Variants in CEP112 observed in about 807,000 individuals in gnomAD.
CEP112 encodes the protein centrosomal protein 112.
CEP112 carries 127 observed loss-of-function variants against 153.0 expected under a neutral mutation model. The ratio of observed to expected loss-of-function variants is 0.83; its 90% CI spans 0.72 to 0.96. The LOEUF (loss-of-function observed/expected upper bound fraction) is 0.96. CEP112 is among the 40% of genes least tolerant of loss of function. CEP112 has a pLI of 0.00. For synonymous variants in CEP112, 358 were observed against 374.4 expected (o/e 0.96, Z 0.51); for missense variants, 1,089 against 1,101.2 (o/e 0.99, Z 0.16).
chr17:66,102,537 C>T (rs1358033267), intron 6 of CEP112, among the ~76,000 whole-genome samples: 2 of 152,072 alleles, frequency 1.3e-5, no homozygotes, highest in Non-Finnish European at 2.9e-5. Context: ...GTGGCTCACG[C>T]CTGTAATCCC....
At chr17:66,093,128 AT>A (rs1419434261) in intron 8 of CEP112, among the ~76,000 whole-genome samples, 1 of 152,154 alleles carries the variant, frequency 6.6e-6, no homozygotes, top group Non-Finnish European at 1.5e-5. Context: ...GAGGTCAGGA[AT>A]TCAAGACAAG....
intron 20 of CEP112, among the ~76,000 whole-genome samples, chr17:65,852,303 CCCTTCCCTTCCCTTT>C (rs769643662): frequency 8.3e-5 from 7 of 84,820 alleles, no homozygotes; most frequent in Non-Finnish European, 1.2e-4. Context: ...CCCTTCCCTT[CCCTTCCCTTCCCTTT>C]CCTTCCCTTT....
chr17:65,782,923 T>C (rs2054080055), intron 21 of CEP112, among the ~76,000 whole-genome samples: 1 of 151,570 alleles, frequency 6.6e-6, no homozygotes, highest in Non-Finnish European at 1.5e-5. Context: ...TCACGCAATA[T>C]ACCCAGGTAA....
Position 65,926,713 on chromosome 17 carries a change from AAAT to A in CEP112, c.1980+866_1980+868del, listed in dbSNP as rs369745977. Among the ~76,000 whole-genome samples, 83 of 150,330 alleles carry A rather than the reference AAAT, an allele frequency of 5.5e-4. No individual in the cohort carries two copies. The South Asian group carries it at 0.013, about 23-fold the overall frequency. ...GGGTGAGAGAGTGAGACTCCTTCTC[AAAT>A]AATAATAATAATAATAATAATAACT... On this transcript the variant is annotated intron_variant, in intron 19 of 26. Transcript: ENST00000535342.
chr17:66,002,734 T>C (rs1267794779), intron 17 of CEP112, among the ~76,000 whole-genome samples: 2 of 152,194 alleles, frequency 1.3e-5, no homozygotes, highest in Non-Finnish European at 1.5e-5. Flanking sequence ...TAAATTCATA[T>C]TTATATATCC....
chr17:65,889,206 G>A (rs1397859332), intron 20 of CEP112, among the ~76,000 whole-genome samples: 1 of 152,034 alleles, frequency 6.6e-6, no homozygotes, highest in South Asian at 2.1e-4. Context: ...GTAATGGCCC[G>A]AGTTGCTTCC....
intron 11 of CEP112, among the ~76,000 whole-genome samples, chr17:66,057,758 TACACACACAC>T (rs71160526): frequency 1.6e-4 from 23 of 142,388 alleles, no homozygotes; most frequent in Admixed American, 6.3e-4. Context: ...AAAATTACTC[TACACACACAC>T]ACACACACAC....
At position 66,058,817 on chromosome 17, in the gene CEP112, A is replaced by G. The variant is rs866537108; in HGVS notation, c.1074+4146T>C. Among the ~76,000 whole-genome samples, 10 of 152,266 alleles carry G rather than the reference A, an allele frequency of 6.6e-5. No individual in the cohort carries two copies. In the South Asian group the frequency reaches 1.2e-3, roughly 19 times the overall value. ...TGGTGAGCTGTTATGGTGCCATTGCACTCCAGACTGGGTGACAGAGCAAGA... is the reference window on the plus strand; with the variant it reads ...TGGTGAGCTGTTATGGTGCCATTGCGCTCCAGACTGGGTGACAGAGCAAGA... On this transcript the variant is annotated intron_variant, in intron 11 of 26. Coordinates refer to ENST00000535342, the MANE Select transcript of CEP112 (RefSeq NM_001199165.4).
chr17:66,022,736 C>T (rs1170414279), intron 16 of CEP112, among the ~76,000 whole-genome samples: 2 of 144,436 alleles, frequency 1.4e-5, no homozygotes, highest in Admixed American at 6.9e-5. Flanking sequence ...AAAGAAATGC[C>T]AGATAAAGAA....
intron 16 of CEP112, among the ~76,000 whole-genome samples, chr17:66,012,781 G>C (rs1040102111): frequency 3.3e-5 from 5 of 152,186 alleles, no homozygotes; most frequent in African/African-American, 1.2e-4. Context: ...TCTCTAGCAA[G>C]GTTGGGGAAA....
intron 21 of CEP112, among the ~76,000 whole-genome samples, chr17:65,810,415 G>A (rs1270735129): frequency 6.6e-6 from 1 of 152,082 alleles, no homozygotes; most frequent in Non-Finnish European, 1.5e-5. Context: ...AGAATTGGGT[G>A]TGAGCTCTTC....
At chr17:65,696,579 G>A (rs979411352) in intron 23 of CEP112, among the ~76,000 whole-genome samples, 9 of 152,100 alleles carry the variant, frequency 5.9e-5, no homozygotes, top group Non-Finnish European at 1.2e-4. Flanking sequence ...ATGAACCTCC[G>A]CTGGGTGAAA....
At chr17:66,095,708 T>C (rs1334497969) in intron 8 of CEP112, among the ~76,000 whole-genome samples, 1 of 152,228 alleles carries the variant, frequency 6.6e-6, no homozygotes, top group Non-Finnish European at 1.5e-5. Context: ...AGGTGATTCA[T>C]ATATCAAGCT....
chr17:66,105,661 G>A (rs544381869), intron 6 of CEP112, among the ~76,000 whole-genome samples: 22 of 152,150 alleles, frequency 1.4e-4, no homozygotes, highest in African/African-American at 5.3e-4. Flanking sequence ...GGGCATTGTA[G>A]CGTGCACCTG....
At chr17:65,950,389 A>C (rs913766874) in intron 18 of CEP112, among the ~76,000 whole-genome samples, 1 of 152,090 alleles carries the variant, frequency 6.6e-6, no homozygotes, top group Non-Finnish European at 1.5e-5. Flanking sequence ...ACTTACTTAG[A>C]TCTTTTTAAC....
rs1218233867 is a variant in CEP112 at position 66,069,963 on chromosome 17, A to G, written c.807T>C (p.His269=). The change falls in exon 9 of 27, where the codon CAT becomes CAC. Residue 269 remains histidine (H), a synonymous_variant. Coordinates refer to ENST00000535342, the MANE Select transcript of CEP112 (RefSeq NM_001199165.4). ...MKTKMMEAKF[H]EEKLKLQQKH... ...TCTGTTGCAGTTTAAGCTTTTCTTC[A>G]TGAAATTTAGCTTCCATCATTTTTG... 5.0e-6 allele frequency: 8 copies of G among 1,607,708 alleles called. No individual in the cohort carries two copies. The highest frequency in any genetic ancestry group is 6.8e-6 in the Non-Finnish European group (8 of 1,176,394).
At chr17:66,053,916 T>C in intron 11 of CEP112, 37 bp from the exon 12 acceptor site, 1 of 1,553,662 alleles carries the variant, frequency 6.4e-7, no homozygotes, top group Non-Finnish European at 8.8e-7. Flanking sequence ...CTTTTACTAC[T>C]ATGGAATTGA....
intron 21 of CEP112, among the ~76,000 whole-genome samples, chr17:65,812,333 T>C (rs1490383853): frequency 6.6e-6 from 1 of 152,184 alleles, no homozygotes; most frequent in Non-Finnish European, 1.5e-5. Context: ...AAAAGTATCT[T>C]ACTTTCCCTT....
intron 18 of CEP112, among the ~76,000 whole-genome samples, chr17:65,939,434 C>T (rs1243379558): frequency 1.3e-5 from 2 of 152,100 alleles, no homozygotes; most frequent in Admixed American, 1.3e-4. Context: ...CCAAAGCAAT[C>T]TTGAACAATA....
Sources: allele counts gnomAD v4.1 joint callset (sites outside exome capture counted in the v4.1 genomes callset), GRCh38; gene constraint gnomAD v4.1.1; transcripts MANE v1.5; gene names NCBI Gene and HGNC (gene_info 2026-07-23, HGNC 2026-07-21).